JPT2: variants seen among roughly 807,000 people sequenced by gnomAD.
JPT2 encodes CRAMP_1 like.
Under a neutral mutation model 15.9 loss-of-function variants are expected in JPT2, and 9 were observed. The observed-to-expected ratio is 0.57, with a 90% CI of 0.34 to 0.99. The LOEUF is 0.99. Among genes scored for constraint, JPT2 ranks in the 50% least tolerant of loss-of-function variants. The pLI, the probability that JPT2 is intolerant of heterozygous loss-of-function variation, is 0.02. For missense variants in JPT2, 267 were observed against 252.1 expected (o/e 1.06, Z -0.40); for synonymous variants, 95 against 91.7 (o/e 1.04, Z -0.21).
chr16:1,683,598 C>G, intron 1 of JPT2: 1 of 1,534,406 alleles, frequency 6.5e-7, no homozygotes, highest in Non-Finnish European at 8.7e-7. Flanking sequence ...CAGAGGTCGG[C>G]CAGCACACGC....
Position 1,678,282 on chromosome 16 carries a change from G to T in JPT2, c.-31G>T. On this transcript the variant is annotated 5_prime_UTR_variant, in exon 1 of 5. Coordinates refer to ENST00000248098, the MANE Select transcript of JPT2 (RefSeq NM_144570.3). ...CCTGCGCTGGGCGGGCGGGAACGGC[G>T]CGCGGCGAGCTGAGGGTGGCGGCGG... 1 of 1,235,286 alleles carries T rather than the reference G, an allele frequency of 8.1e-7. No individual in the cohort carries two copies. Among genetic ancestry groups the T allele is most frequent in the East Asian group, 3.2e-5 (1 of 31,478 alleles). The allele number at this position is 1,235,286 out of a possible 1,614,324, so 76.5% of individuals were successfully genotyped here. A position where few individuals can be genotyped will look rare whatever the true frequency, so the allele number is the denominator to read the frequency against.
intron 1 of JPT2, among the ~76,000 whole-genome samples, chr16:1,684,750 A>G (rs116564924): frequency 0.019 from 2,945 of 152,102 alleles, 114 homozygotes; most frequent in African/African-American, 0.067. Context: ...TCTCAAAAAA[A>G]ACAAACAAAA....
intron 3 of JPT2, among the ~76,000 whole-genome samples, chr16:1,693,289 G>A (rs1235537877): frequency 6.6e-6 from 1 of 152,094 alleles, no homozygotes; most frequent in Non-Finnish European, 1.5e-5. Context: ...AAGAGACAGG[G>A]TTTCACCATG....
At chr16:1,693,468 C>A (rs1016869360) in intron 3 of JPT2, among the ~76,000 whole-genome samples, 1 of 152,156 alleles carries the variant, frequency 6.6e-6, no homozygotes. Context: ...ACAAGGTGAA[C>A]TTTGGCAAGA....
At chr16:1,682,395 G>A (rs933905649) in intron 1 of JPT2, among the ~76,000 whole-genome samples, 1 of 151,340 alleles carries the variant, frequency 6.6e-6, no homozygotes, top group East Asian at 1.9e-4. Flanking sequence ...AAATAGGCCG[G>A]ACACAGTGGC....
chr16:1,693,535 C>T (rs574697229), intron 3 of JPT2, among the ~76,000 whole-genome samples: 2 of 152,134 alleles, frequency 1.3e-5, no homozygotes, highest in South Asian at 2.1e-4. Context: ...TCGAATTAGC[C>T]GGACACGAGA....
intron 2 of JPT2, chr16:1,688,660 G>A (rs1393805411): frequency 6.6e-6 from 1 of 152,168 alleles, no homozygotes; most frequent in Non-Finnish European, 1.5e-5. Flanking sequence ...GATTGCCTGA[G>A]CCCAGGAGTT....
chr16:1,696,924 A>T (rs1024605722), intron 3 of JPT2, among the ~76,000 whole-genome samples: 1 of 152,234 alleles, frequency 6.6e-6, no homozygotes, highest in African/African-American at 2.4e-5. Context: ...CTCAGAGTTA[A>T]ACAGGATTAC....
intron 1 of JPT2, among the ~76,000 whole-genome samples, chr16:1,679,776 C>T (rs372531915): frequency 2.4e-4 from 36 of 151,246 alleles, no homozygotes; most frequent in South Asian, 1.7e-3. Context: ...TTACCCGTGG[C>T]AGGGTGCAGT....
chr16:1,681,864 A>G (rs1418902416), intron 1 of JPT2, among the ~76,000 whole-genome samples: 1 of 152,212 alleles, frequency 6.6e-6, no homozygotes, highest in African/African-American at 2.4e-5. Context: ...AGGCGAGTCT[A>G]CCTGGAATCA....
At chr16:1,680,004 A>C (rs992128952) in intron 1 of JPT2, among the ~76,000 whole-genome samples, 1 of 151,906 alleles carries the variant, frequency 6.6e-6, no homozygotes, top group African/African-American at 2.4e-5. Flanking sequence ...GCTTGCAGTG[A>C]GCCGAGATCA....
chr16:1,695,275 CA>C (rs1216582263), intron 3 of JPT2, among the ~76,000 whole-genome samples: 1 of 152,020 alleles, frequency 6.6e-6, no homozygotes, highest in African/African-American at 2.4e-5. Flanking sequence ...CCTGGTGGCA[CA>C]TGCTTGTAAT....
chr16:1,680,101 T>C (rs1417701723), intron 1 of JPT2, among the ~76,000 whole-genome samples: 1 of 152,192 alleles, frequency 6.6e-6, no homozygotes, highest in African/African-American at 2.4e-5. Flanking sequence ...TTATTATGCC[T>C]AGGTCTGCAC....
chr16:1,678,374 C>G lies in JPT2; in HGVS notation c.44+18C>G. 1 of 1,072,140 alleles carries G rather than the reference C, an allele frequency of 9.3e-7. No individual in the cohort carries two copies. Among genetic ancestry groups the G allele is most frequent in the Non-Finnish European group, 1.1e-6 (1 of 887,830 alleles). The allele number at this position is 1,072,140 out of a possible 1,614,324, so 66.4% of individuals were successfully genotyped here. On this transcript the variant is annotated intron_variant, in intron 1 of 4. Transcript: ENST00000248098. ...GGCTCCAGGTGCGGCGCGGGGCACACGGGAGGCGGGCGGATAGCGCGACCA... is the reference window on the plus strand; with the variant it reads ...GGCTCCAGGTGCGGCGCGGGGCACAGGGGAGGCGGGCGGATAGCGCGACCA...
chr16:1,680,537 T>A, intron 1 of JPT2: 1 of 1,195,072 alleles, frequency 8.4e-7, no homozygotes, highest in African/African-American at 1.6e-5. Context: ...CACCAGACGC[T>A]GCACATTTGC....
chr16:1,683,356 C>T, intron 1 of JPT2, among the ~76,000 whole-genome samples: 1 of 152,170 alleles, frequency 6.6e-6, no homozygotes, highest in Non-Finnish European at 1.5e-5. Flanking sequence ...AACAGTCCTC[C>T]CACCTCGGCC....
chr16:1,696,185 C>G (rs142784868), intron 3 of JPT2, among the ~76,000 whole-genome samples: 3 of 151,690 alleles, frequency 2.0e-5, no homozygotes, highest in African/African-American at 7.3e-5. Context: ...GTTGAGACTG[C>G]GCCATTGCAC....
intron 1 of JPT2, among the ~76,000 whole-genome samples, chr16:1,682,743 T>C (rs541552119): frequency 4.6e-5 from 7 of 152,198 alleles, no homozygotes; most frequent in African/African-American, 1.4e-4. Context: ...CAGATGGCCT[T>C]ATGGCCACTC....
intron 1 of JPT2, among the ~76,000 whole-genome samples, chr16:1,683,133 C>G (rs1394810270): frequency 6.6e-6 from 1 of 152,118 alleles, no homozygotes; most frequent in South Asian, 2.1e-4. Context: ...TCCGCCACCA[C>G]GCCCGGCTAA....
Sources: gnomAD v4.1 joint callset for allele counts (sites outside exome capture counted in the v4.1 genomes callset) on GRCh38, gnomAD v4.1.1 for gene constraint, MANE v1.5 for transcripts, NCBI Gene and HGNC (gene_info 2026-07-23, HGNC 2026-07-21) for gene names.